Variants in TENM4 observed in about 807,000 individuals in gnomAD.
TENM4 encodes teneurin-4.
TENM4 carries 82 observed loss-of-function variants against 243.3 expected under a neutral mutation model. The observed-to-expected ratio is 0.34, with a 90% confidence interval of 0.28 to 0.40. TENM4 has a LOEUF of 0.40. Among genes scored for constraint, TENM4 ranks in the 10% least tolerant of loss-of-function variants. The probability of loss-of-function intolerance (pLI) is 1.00; values close to 1 mark genes in which losing one functional copy is unlikely to be tolerated. For missense variants in TENM4, 3,138 were observed against 3,673.3 expected (o/e 0.85, Z 3.77); for synonymous variants, 1,412 against 1,456.3 (o/e 0.97, Z 0.69).
chr11:79,327,841 A>G (rs1856999246), intron 1 of TENM4, among the ~76,000 whole-genome samples: 1 of 152,134 alleles, frequency 6.6e-6, no homozygotes, highest in South Asian at 2.1e-4. Context: ...AAATGCCAGT[A>G]AAATGGGACA....
chr11:79,341,035 G>A (rs1166905605), intron 1 of TENM4, among the ~76,000 whole-genome samples: 1 of 152,102 alleles, frequency 6.6e-6, no homozygotes, highest in African/African-American at 2.4e-5. Flanking sequence ...TGTGAAGCAG[G>A]AGGTTGGAGT....
chr11:79,206,053 A>G (rs187336976), intron 3 of TENM4, among the ~76,000 whole-genome samples: 6 of 152,334 alleles, frequency 3.9e-5, no homozygotes, highest in Admixed American at 3.9e-4. Context: ...GGGAGCAATG[A>G]AGCCTGTCCA....
rs116172293 is a variant in TENM4 at position 79,298,250 on chromosome 11, G to A, written c.-320-707C>T. On this transcript the variant is annotated intron_variant, in intron 1 of 33. Coordinates refer to ENST00000278550, the MANE Select transcript of TENM4 (RefSeq NM_001098816.3). ...TAGTCTAGGTTCAGTTACCTCATAT[G>A]AAAAACAGGAATCCCAGCACTTTGG... is the stretch of plus-strand genomic sequence containing the variant. Among the ~76,000 whole-genome samples the A allele has an allele frequency of 8.2e-3, 1,251 of 152,188 alleles. 22 individuals are homozygous for A. The highest frequency in any genetic ancestry group is 0.029 in the African/African-American group (1,197 of 41,510).
intron 1 of TENM4, among the ~76,000 whole-genome samples, chr11:79,357,709 C>T (rs1511241): frequency 0.57 from 87,304 of 152,088 alleles, 26,700 homozygotes; most frequent in African/African-American, 0.8. Context: ...TCAAAAACAA[C>T]CACCATTCAC....
rs1857946770 is a variant in TENM4, at chr11:78,658,313, C to T, written c.8055G>A (p.Glu2685=). ...CCAGCTCCAGGACCCGTGCCTTCTC[C>T]TCATCCAACGTTGTCCCGTAGCGTG... ...LNTRYGTTLD[E]EKARVLELAR... Residue 2685 remains glutamate (E), a synonymous_variant, in exon 34 of 34, where the codon GAG becomes GAA. Coordinates refer to ENST00000278550, the MANE Select transcript of TENM4 (RefSeq NM_001098816.3). 2 of 1,613,118 alleles carry T rather than the reference C, an allele frequency of 1.2e-6. No homozygotes were observed. The highest frequency in any genetic ancestry group is 2.2e-5 in the South Asian group (2 of 91,034).
chr11:79,397,343 G>T (rs1402234864), intron 1 of TENM4, among the ~76,000 whole-genome samples: 1 of 152,124 alleles, frequency 6.6e-6, no homozygotes, highest in East Asian at 1.9e-4. Flanking sequence ...AAGCCCAGGG[G>T]ACTGAGTAAC....
intron 20 of TENM4, among the ~76,000 whole-genome samples, chr11:78,734,455 G>C (rs1855741728): frequency 6.6e-6 from 1 of 151,544 alleles, no homozygotes. Flanking sequence ...TCTGTTTTAG[G>C]TTAGTTCTGA....
intron 2 of TENM4, among the ~76,000 whole-genome samples, chr11:79,229,545 G>A (rs1208581579): frequency 6.6e-6 from 1 of 152,090 alleles, no homozygotes; most frequent in Non-Finnish European, 1.5e-5. Context: ...AGCCTTCTTT[G>A]ATCCACCACT....
At chr11:79,178,936 T>C (rs1447978041) in intron 3 of TENM4, among the ~76,000 whole-genome samples, 1 of 152,206 alleles carries the variant, frequency 6.6e-6, no homozygotes, top group East Asian at 1.9e-4. Context: ...TAGAAGAAAG[T>C]AGCAGAGGAA....
chr11:78,669,580 C>T lies in TENM4; in HGVS notation c.6765G>A (p.Met2255Ile), dbSNP rs200325719. The change falls in exon 32 of 34, where the codon ATG becomes ATA. Residue 2255 changes from methionine to isoleucine, a missense_variant. Met to Ile is a conservative substitution (Grantham distance 10). This residue lies in a region of TENM4 where 2,467 missense variants were observed against 3,059.1 expected (regional missense o/e 0.81). Transcript: ENST00000278550. The surrounding 1 kb of genome is among the most constrained non-coding windows in gnomAD (Gnocchi z 6.4). ...GCTGCCTCAGGAAGCCATCCTCATCCATCTTGTATTGCACGTCACCCAGCC... is the reference window on the plus strand; with the variant it reads ...GCTGCCTCAGGAAGCCATCCTCATCTATCTTGTATTGCACGTCACCCAGCC... ...ITRLGDVQYK[M>I]DEDGFLRQRG... 1.3e-4 allele frequency: 208 copies of T among 1,613,998 alleles called. 2 individuals carry two copies. The East Asian group carries it at 4.6e-3, about 36-fold the overall frequency.
At chr11:78,872,362 A>G (rs570045266) in intron 9 of TENM4, among the ~76,000 whole-genome samples, 1 of 152,334 alleles carries the variant, frequency 6.6e-6, no homozygotes, top group East Asian at 1.9e-4. Context: ...AGGCCTCACT[A>G]GTGATGCAGT....
chr11:78,869,967 A>T (rs1016188971), intron 9 of TENM4, among the ~76,000 whole-genome samples: 7 of 152,156 alleles, frequency 4.6e-5, no homozygotes, highest in Non-Finnish European at 8.8e-5. Context: ...ATCCCCACAA[A>T]CAAAAACCAT....
At chr11:78,811,985 G>T in intron 14 of TENM4, 137 bp downstream of exon 14, 2 of 1,023,818 alleles carry the variant, frequency 2.0e-6, no homozygotes, top group Non-Finnish European at 2.8e-6. Context: ...GTTGCTGGTG[G>T]GTGGGCTCCT....
At chr11:79,018,590 T>C (rs1858840037) in intron 6 of TENM4, among the ~76,000 whole-genome samples, 1 of 152,106 alleles carries the variant, frequency 6.6e-6, no homozygotes, top group Non-Finnish European at 1.5e-5. Context: ...ATTGAAACAA[T>C]GTGTGCTTAT....
At chr11:79,389,223 A>G (rs1858179026) in intron 1 of TENM4, among the ~76,000 whole-genome samples, 1 of 152,084 alleles carries the variant, frequency 6.6e-6, no homozygotes, top group South Asian at 2.1e-4. Context: ...TGGTAAAATC[A>G]TGGCTCACTG....
At chr11:79,374,111 G>T (rs577749290) in intron 1 of TENM4, among the ~76,000 whole-genome samples, 1 of 152,128 alleles carries the variant, frequency 6.6e-6, no homozygotes, top group African/African-American at 2.4e-5. Context: ...AAGCCAGCAC[G>T]AAGGGTCATC....
intron 6 of TENM4, among the ~76,000 whole-genome samples, chr11:78,966,110 T>G (rs906293815): frequency 2.1e-4 from 32 of 151,578 alleles, no homozygotes; most frequent in Non-Finnish European, 1.0e-4. Flanking sequence ...TGAAATCCGG[T>G]TCCATTACTT....
chr11:79,322,143 C>T lies in TENM4; in HGVS notation c.-320-24600G>A, dbSNP rs187360668. Among the ~76,000 whole-genome samples, 507 of 152,254 alleles carry T rather than the reference C, an allele frequency of 3.3e-3. 3 individuals are homozygous for T. Among genetic ancestry groups the T allele is most frequent in the African/African-American group, 0.012 (481 of 41,542 alleles). On this transcript the variant is annotated intron_variant, in intron 1 of 33. Coordinates refer to ENST00000278550, the MANE Select transcript of TENM4 (RefSeq NM_001098816.3). ...CCATATCCCTATGTCTTAGTACTAG[C>T]GGTTCCCTCTGTCCAGATGGCCCCT...
At chr11:78,878,469 G>A (rs572377273) in intron 9 of TENM4, among the ~76,000 whole-genome samples, 1 of 152,306 alleles carries the variant, frequency 6.6e-6, no homozygotes, top group East Asian at 1.9e-4. Flanking sequence ...GCTCACAGAT[G>A]CTTCCCTGAA....
Sources: gnomAD v4.1 joint callset for allele counts (sites outside exome capture counted in the v4.1 genomes callset) on GRCh38, gnomAD v4.1.1 for gene constraint, gnomAD v4.1.1 regional missense constraint, Gnocchi (gnomAD v3.1) non-coding constraint, MANE v1.5 for transcripts, NCBI Gene and HGNC (gene_info 2026-07-23, HGNC 2026-07-21) for gene names.